The following IDE variants were observed in gnomAD, a reference collection of about 807,000 sequenced individuals.
IDE encodes the protein insulin degrading enzyme, also known as insulin-degrading enzyme.
In IDE, 58 loss-of-function variants were observed where a neutral mutation model predicts 133.2. The ratio of observed to expected loss-of-function variants is 0.44; its 90% confidence interval spans 0.35 to 0.54. IDE has a LOEUF of 0.54. Among genes scored for constraint, IDE ranks in the 20% least tolerant of loss-of-function variants. The pLI, the probability that IDE is intolerant of heterozygous loss-of-function variation, is 0.00. For missense variants in IDE, 981 were observed against 1,234.0 expected (o/e 0.79, Z 3.07); for synonymous variants, 396 against 421.3 (o/e 0.94, Z 0.73).
intron 23 of IDE, 39 bp from the exon 24 acceptor site, chr10:92,455,682 G>T: frequency 1.8e-6 from 2 of 1,107,230 alleles, no homozygotes; most frequent in Non-Finnish European, 1.3e-6. Context: ...TGTACTTATT[G>T]ATACTATCAC....
At chr10:92,483,846 C>T (rs903016837) in intron 13 of IDE, among the ~76,000 whole-genome samples, 2 of 152,144 alleles carry the variant, frequency 1.3e-5, no homozygotes, top group Admixed American at 6.5e-5. Context: ...AAAGACACCG[C>T]GGCTTGCATC....
intron 1 of IDE, among the ~76,000 whole-genome samples, chr10:92,545,807 G>C (rs1164707539): frequency 6.6e-6 from 1 of 152,202 alleles, no homozygotes; most frequent in Non-Finnish European, 1.5e-5. Flanking sequence ...AATACCAAGT[G>C]TTAGAGAAGT....
At chr10:92,516,806 C>T (rs750049412) in intron 4 of IDE, among the ~76,000 whole-genome samples, 12 of 152,208 alleles carry the variant, frequency 7.9e-5, no homozygotes, top group East Asian at 1.9e-4. Context: ...AACTCTCCAG[C>T]GATGTATGTA....
chr10:92,534,180 C>T (rs1470423251), intron 3 of IDE, among the ~76,000 whole-genome samples: 1 of 152,132 alleles, frequency 6.6e-6, no homozygotes, highest in African/African-American at 2.4e-5. Flanking sequence ...GTTGAAACAG[C>T]AGGTCAAAAC....
At chr10:92,529,690 C>T (rs1849812709) in intron 4 of IDE, among the ~76,000 whole-genome samples, 1 of 151,966 alleles carries the variant, frequency 6.6e-6, no homozygotes, top group African/African-American at 2.4e-5. Flanking sequence ...GCCTGGTCAA[C>T]ATAGTGAGAC....
At chr10:92,508,048 G>A (rs1395686308) in intron 8 of IDE, 65 bp downstream of exon 8, 6 of 1,106,762 alleles carry the variant, frequency 5.4e-6, no homozygotes, top group Non-Finnish European at 8.2e-6. Flanking sequence ...ACAGCATGAA[G>A]AAGTTAAAAA....
chr10:92,516,259 CA>C (rs1848923995), intron 4 of IDE, among the ~76,000 whole-genome samples: 1 of 151,948 alleles, frequency 6.6e-6, no homozygotes, highest in African/African-American at 2.4e-5. Flanking sequence ...TTTGGGAGGC[CA>C]AGATGGGTGG....
Position 92,508,197 on chromosome 10 carries a change from T to G in IDE, c.1069A>C (p.Asn357His). The G allele has an allele frequency of 6.2e-7, 1 of 1,612,650 alleles. No homozygotes were observed. The highest frequency in any genetic ancestry group is 8.5e-7 in the Non-Finnish European group (1 of 1,179,234). ...LSELKSKGWV[N>H]TLVGGQKEGA... is the part of the protein sequence containing the mutation. ...TCCTTCTGCCCACCAACAAGAGTAT[T>G]AACCCAGCCTGCAACATTCAAAGGA... The change falls in exon 8 of 25, where the codon AAT becomes CAT. Residue 357 changes from asparagine (N) to histidine (H), a missense_variant. This residue lies in a region of IDE where 660 missense variants were observed against 894.7 expected (regional missense o/e 0.74). Transcript: ENST00000265986.
chr10:92,541,830 T>G (rs1309728637), intron 1 of IDE, among the ~76,000 whole-genome samples: 1 of 151,998 alleles, frequency 6.6e-6, no homozygotes, highest in African/African-American at 2.4e-5. Flanking sequence ...AAATGCAAAA[T>G]ATCAGAACCC....
intron 17 of IDE, among the ~76,000 whole-genome samples, chr10:92,472,888 G>T (rs942075847): frequency 1.3e-5 from 2 of 150,352 alleles, no homozygotes; most frequent in Non-Finnish European, 2.9e-5. Context: ...CGCCCGCCTC[G>T]GCCTCCCAAA....
rs538902722 is a variant in IDE at position 92,469,679 on chromosome 10, G to C, written c.2208+575C>G. Reference sequence around the variant, plus strand: ...TAATCCTCCTGCCTCAGCCTCCAAAGTACTGAGATGATAGGCGTGAGCCAC... The same window carrying C: ...TAATCCTCCTGCCTCAGCCTCCAAACTACTGAGATGATAGGCGTGAGCCAC... On this transcript the variant is annotated intron_variant, in intron 18 of 24. Transcript: ENST00000265986. Among the ~76,000 whole-genome samples the C allele has an allele frequency of 3.3e-5, 5 of 152,256 alleles. No individual in the cohort carries two copies. The South Asian group carries it at 1.0e-3, about 32-fold the overall frequency.
At chr10:92,565,245 G>GA (rs1157438934) in intron 1 of IDE, among the ~76,000 whole-genome samples, 7,810 of 93,022 alleles carry the variant, frequency 0.084, 390 homozygotes, top group Non-Finnish European at 0.13. Context: ...CTCTGTCTCA[G>GA]AAAAAAAAAA....
chr10:92,569,847 C>T (rs947614675), intron 1 of IDE, among the ~76,000 whole-genome samples: 22 of 152,110 alleles, frequency 1.4e-4, no homozygotes, highest in African/African-American at 1.9e-4. Context: ...CAGTGGCTCA[C>T]GCCTGTAATC....
intron 1 of IDE, among the ~76,000 whole-genome samples, chr10:92,537,892 T>A (rs1842099445): frequency 6.6e-6 from 1 of 152,012 alleles, no homozygotes; most frequent in African/African-American, 2.4e-5. Context: ...TGAGACAGGG[T>A]CTCAGTTTGT....
At chr10:92,513,354 G>A (rs7086558) in intron 5 of IDE, among the ~76,000 whole-genome samples, 9,119 of 152,126 alleles carry the variant, frequency 0.06, 942 homozygotes, top group African/African-American at 0.21. Flanking sequence ...CACCATGCCC[G>A]GTTAATTTTT....
intron 11 of IDE, among the ~76,000 whole-genome samples, chr10:92,495,386 A>G (rs1053603846): frequency 3.3e-5 from 5 of 151,856 alleles, no homozygotes; most frequent in Admixed American, 6.6e-5. Flanking sequence ...ATGCCTGGCT[A>G]ATTTTTGTAT....
At chr10:92,499,579 C>T (rs916834213) in intron 11 of IDE, among the ~76,000 whole-genome samples, 11 of 151,926 alleles carry the variant, frequency 7.2e-5, no homozygotes, top group African/African-American at 2.7e-4. Flanking sequence ...ACTACAGGCA[C>T]GTACCACCAC....
chr10:92,524,455 T>TATATTATA (rs71028825), intron 4 of IDE, among the ~76,000 whole-genome samples: 18 of 5,818 alleles, frequency 3.1e-3, no homozygotes, highest in East Asian at 0.013. Context: ...TTTTATATAT[T>TATATTATA]ATATATTTTA....
intron 11 of IDE, among the ~76,000 whole-genome samples, chr10:92,493,499 A>G (rs527936570): frequency 6.6e-6 from 1 of 152,084 alleles, no homozygotes; most frequent in East Asian, 1.9e-4. Flanking sequence ...CTGAGAGAGA[A>G]AGTAAACAAG....
Sources: allele counts gnomAD v4.1 joint callset (sites outside exome capture counted in the v4.1 genomes callset), GRCh38; gene constraint gnomAD v4.1.1; regional missense constraint gnomAD v4.1.1; transcripts MANE v1.5; gene names NCBI Gene and HGNC (gene_info 2026-07-23, HGNC 2026-07-21).